Variants in TEX11 observed in about 807,000 individuals in gnomAD.
TEX11 encodes the protein testis expressed 11.
A neutral mutation model predicts 84.4 loss-of-function variants in TEX11; 7 were observed. That is an observed-to-expected ratio of 0.08 (90% CI 0.05 to 0.16). The LOEUF (loss-of-function observed/expected upper bound fraction) is 0.16, where lower values mean the gene tolerates loss of function less well. Among genes scored for constraint, TEX11 ranks in the 10% least tolerant of loss-of-function variants. The pLI, the probability that TEX11 is intolerant of heterozygous loss-of-function variation, is 1.00. For synonymous variants in TEX11, 264 were observed against 222.8 expected, an observed-to-expected ratio of 1.18 and a Z score of -1.64; for missense variants, 551 against 660.5, an observed-to-expected ratio of 0.83 and a Z score of 1.82.
In TEX11 at chrX:70,561,675, C is replaced by T. The variant is rs939673964; in HGVS notation, c.2141-6875G>A. ...TGCTGAGATTACAGGTGTGAGCCAC[C>T]GTGCCCAGCCCAAATTTACTTATTT... On this transcript the variant is annotated intron_variant, in intron 25 of 29. Coordinates refer to ENST00000374333, the MANE Select transcript of TEX11 (RefSeq NM_031276.3). Among the ~76,000 whole-genome samples the T allele has an allele frequency of 7.2e-5, 8 of 110,558 alleles. 1 individual carries two copies. In the Admixed American group the frequency reaches 7.7e-4, roughly 11 times the overall value.
chrX:70,905,879 C>A (rs761981118), intron 2 of TEX11, among the ~76,000 whole-genome samples: 1 of 103,618 alleles, frequency 9.7e-6, no homozygotes, highest in Non-Finnish European at 2.0e-5. Context: ...TGGTGAAACC[C>A]CGTTTCTACT....
chrX:70,526,631 G>GT (rs1055280801), downstream of TEX11, among the ~76,000 whole-genome samples: 4 of 110,140 alleles, frequency 3.6e-5, no homozygotes, highest in African/African-American at 1.3e-4. Flanking sequence ...GATTTTCTAT[G>GT]TGTGCACGTA....
intron 9 of TEX11, among the ~76,000 whole-genome samples, chrX:70,780,065 G>C (rs1384865380): frequency 9.0e-6 from 1 of 111,333 alleles, no homozygotes; most frequent in African/African-American, 3.3e-5. Flanking sequence ...TCAGGAGTTT[G>C]AGACCAGCAA....
At chrX:70,668,418 G>T (rs185949270) in intron 16 of TEX11, among the ~76,000 whole-genome samples, 1 of 112,144 alleles carries the variant, frequency 8.9e-6, no homozygotes, top group African/African-American at 3.2e-5. Context: ...CTTTCTGTCT[G>T]TCCTAGTGCA....
intron 2 of TEX11, among the ~76,000 whole-genome samples, chrX:70,894,603 C>T (rs917670521): frequency 7.5e-5 from 8 of 106,971 alleles, no homozygotes; most frequent in Admixed American, 2.0e-4. Flanking sequence ...TCTAGCCTGG[C>T]GACAGAGCGA....
chrX:70,716,049 A>G (rs2090497453), intron 13 of TEX11, among the ~76,000 whole-genome samples: 1 of 110,399 alleles, frequency 9.1e-6, no homozygotes, highest in Non-Finnish European at 1.9e-5. Context: ...AGTTTGCCAG[A>G]GGTCCACTCC....
At chrX:70,864,991 A>G in intron 4 of TEX11, among the ~76,000 whole-genome samples, 1 of 111,122 alleles carries the variant, frequency 9.0e-6, no homozygotes. Flanking sequence ...GCATCAATTA[A>G]CGAGCAAAAT....
intron 9 of TEX11, among the ~76,000 whole-genome samples, chrX:70,788,096 G>C (rs1347448332): frequency 9.0e-6 from 1 of 111,056 alleles, no homozygotes; most frequent in Non-Finnish European, 1.9e-5. Context: ...TACCAAAAGT[G>C]ATATGCAGAT....
At chrX:70,594,207 C>T (rs909630247) in intron 24 of TEX11, among the ~76,000 whole-genome samples, 2 of 111,357 alleles carry the variant, frequency 1.8e-5, no homozygotes, top group Non-Finnish European at 3.8e-5. Context: ...GGCAGTGGGA[C>T]AACATATCCA....
intron 25 of TEX11, among the ~76,000 whole-genome samples, chrX:70,578,027 C>T (rs1255658260): frequency 9.0e-6 from 1 of 111,594 alleles, no homozygotes; most frequent in Non-Finnish European, 1.9e-5. Flanking sequence ...CACACCCAGC[C>T]AAGGTTATAT....
At chrX:70,554,332 G>C (rs2088258166) in intron 26 of TEX11, among the ~76,000 whole-genome samples, 1 of 111,996 alleles carries the variant, frequency 8.9e-6, no homozygotes, top group South Asian at 3.7e-4. Flanking sequence ...CTGTTGTGTA[G>C]TTACATAATT....
intron 28 of TEX11, among the ~76,000 whole-genome samples, chrX:70,543,204 T>A (rs1334325667): frequency 9.1e-6 from 1 of 110,448 alleles, no homozygotes; most frequent in Admixed American, 9.5e-5. Flanking sequence ...AAATAAAAAA[T>A]AAATAAATAA....
At chrX:70,770,056 G>C (rs1433206605) in intron 9 of TEX11, among the ~76,000 whole-genome samples, 3 of 111,294 alleles carry the variant, frequency 2.7e-5, no homozygotes, top group Non-Finnish European at 3.8e-5. Flanking sequence ...AGTGATTCAA[G>C]GTCACAGTTT....
At chrX:70,705,598 C>T (rs867453181) in intron 13 of TEX11, among the ~76,000 whole-genome samples, 2 of 111,113 alleles carry the variant, frequency 1.8e-5, no homozygotes, top group Non-Finnish European at 3.8e-5. Context: ...ACAAAGAACT[C>T]AAACAAATTT....
intron 2 of TEX11, among the ~76,000 whole-genome samples, chrX:70,907,275 T>A (rs1356472463): frequency 8.9e-6 from 1 of 112,024 alleles, no homozygotes. Context: ...AATTGTGAAT[T>A]CTGTCTCCCT....
At chrX:70,626,779 C>T (rs1361963092) in intron 18 of TEX11, among the ~76,000 whole-genome samples, 1 of 112,356 alleles carries the variant, frequency 8.9e-6, no homozygotes, top group Non-Finnish European at 1.9e-5. Flanking sequence ...CTTAGTGCTA[C>T]TGGCAAGCAT....
the TEX11 span, among the ~76,000 whole-genome samples, chrX:70,514,027 A>G: frequency 9.1e-6 from 1 of 109,303 alleles, no homozygotes; most frequent in Non-Finnish European, 1.9e-5. Flanking sequence ...TTTGAACCGT[A>G]TGAAATTGCC....
chrX:70,904,424 A>G (rs747796929), intron 2 of TEX11, among the ~76,000 whole-genome samples: 5 of 112,178 alleles, frequency 4.5e-5, no homozygotes, highest in African/African-American at 1.6e-4. Context: ...AACTCTCTGC[A>G]CTATCTCTGC....
intron 28 of TEX11, among the ~76,000 whole-genome samples, chrX:70,548,666 G>A (rs1463452295): frequency 9.0e-6 from 1 of 111,546 alleles, no homozygotes; most frequent in South Asian, 3.8e-4. Flanking sequence ...ACAGCAGAAA[G>A]TAACACTGGG....
Sources: allele counts gnomAD v4.1 joint callset (sites outside exome capture counted in the v4.1 genomes callset), GRCh38; gene constraint gnomAD v4.1.1; transcripts MANE v1.5; gene names NCBI Gene and HGNC (gene_info 2026-07-23, HGNC 2026-07-21).